Variants in KCNQ1 observed in about 807,000 individuals in gnomAD.
KCNQ1 encodes the protein potassium voltage-gated channel subfamily KQT member 1.
KCNQ1 carries 49 observed loss-of-function variants against 72.4 expected under a neutral mutation model. The observed-to-expected ratio is 0.68, with a 90% CI of 0.54 to 0.86. The LOEUF (loss-of-function observed/expected upper bound fraction) is 0.86, where lower values mean the gene tolerates loss of function less well. Ranked by LOEUF, KCNQ1 falls within the 40% of genes least tolerant of loss-of-function variation. The pLI is 0.00. For synonymous variants in KCNQ1, 450 were observed against 412.6 expected, an observed-to-expected ratio of 1.09 and a Z score of -1.10; for missense variants, 790 against 945.1, an observed-to-expected ratio of 0.84 and a Z score of 2.15.
Position 2,497,457 on chromosome 11 carries a change from T to C in KCNQ1, c.387-30471T>C, listed in dbSNP as rs179401. Among the ~76,000 whole-genome samples the C allele has an allele frequency of 0.81, 122,484 of 152,024 alleles. 49,463 individuals are homozygous for C. The highest frequency in any genetic ancestry group is 0.86 in the African/African-American group (35,844 of 41,446). On this transcript the variant is annotated intron_variant, in intron 1 of 15. Coordinates refer to ENST00000155840, the MANE Select transcript of KCNQ1 (RefSeq NM_000218.3). The surrounding 1 kb of genome is among the most constrained non-coding windows in gnomAD (Gnocchi z 4.5). Reference sequence around the variant, plus strand: ...TATCCTTTCTTCCACTTGATTCATTTGGCTATTGATACTTGTGTATGCATC... The same window carrying C: ...TATCCTTTCTTCCACTTGATTCATTCGGCTATTGATACTTGTGTATGCATC...
chr11:2,716,130 C>G (rs1184165998), intron 11 of KCNQ1, among the ~76,000 whole-genome samples: 1 of 152,216 alleles, frequency 6.6e-6, no homozygotes, highest in East Asian at 1.9e-4. Context: ...GTTTTGGTTG[C>G]CGGATCCTCA....
Position 2,776,029 on chromosome 11 carries a change from G to C in KCNQ1, c.1660G>C (p.Val554Leu). 6.4e-7 allele frequency: 1 copy of C among 1,570,524 alleles called. No individual in the cohort carries two copies. The highest frequency in any genetic ancestry group is 8.6e-7 in the Non-Finnish European group (1 of 1,158,110). ...QYSQGHLNLM[V>L]RIKELQRRLD... ...CTCGCAGGGCCACCTCAACCTCATGGTGCGCATCAAGGAGCTGCAGAGGAG... is the reference window on the plus strand; with the variant it reads ...CTCGCAGGGCCACCTCAACCTCATGCTGCGCATCAAGGAGCTGCAGAGGAG... Residue 554 changes from valine (V) to leucine (L), a missense_variant, in exon 13 of 16, where the codon GTG becomes CTG. Transcript: ENST00000155840.
rs1254901195 is a variant in KCNQ1 at position 2,559,645 on chromosome 11, C to T, written c.478-10983C>T. On this transcript the variant is annotated intron_variant, in intron 2 of 15. Coordinates refer to ENST00000155840, the MANE Select transcript of KCNQ1 (RefSeq NM_000218.3). This position sits in a 1 kb window ranked among gnomAD's most constrained non-coding sequence, Gnocchi z 4.9. ...TCTCTCGCTCACCAGGAAGAAGACA[C>T]GTCCGGGCAGCTGGCAGGTGGGGCT... is the stretch of plus-strand genomic sequence containing the variant. Among the ~76,000 whole-genome samples the T allele has an allele frequency of 3.3e-5, 5 of 152,198 alleles. No individual in the cohort carries two copies. The highest frequency in any genetic ancestry group is 1.3e-4 in the Admixed American group (2 of 15,286).
chr11:2,529,952 T>G (rs1479954232), intron 2 of KCNQ1, among the ~76,000 whole-genome samples: 1 of 152,158 alleles, frequency 6.6e-6, no homozygotes, highest in African/African-American at 2.4e-5. Context: ...CCTGCTTCTG[T>G]GAGGTGCTCC....
chr11:2,806,748 A>G (rs940231472), intron 15 of KCNQ1, among the ~76,000 whole-genome samples: 13 of 152,154 alleles, frequency 8.5e-5, no homozygotes, highest in Admixed American at 8.5e-4. Context: ...GTTCGGGCTC[A>G]GGTTTCCCTT....
At chr11:2,655,540 C>T (rs1849830779) in intron 10 of KCNQ1, 1 of 398,736 alleles carries the variant, frequency 2.5e-6, no homozygotes, top group Non-Finnish European at 4.4e-6. Flanking sequence ...ACCTTCTCTG[C>T]AGCTGTGAGT....
At position 2,617,547 on chromosome 11, in the gene KCNQ1, G is replaced by C. The variant is rs1478517144; in HGVS notation, c.1393+28693G>C. ...ATAGGAGCGCAGATATCTTTATGAG[G>C]TGGAGATTTCATTTTCTTTGGGAAT... On this transcript the variant is annotated intron_variant, in intron 10 of 15. Coordinates refer to ENST00000155840, the MANE Select transcript of KCNQ1 (RefSeq NM_000218.3). This position sits in a 1 kb window ranked among gnomAD's most constrained non-coding sequence, Gnocchi z 4.6. The C allele has an allele frequency of 2.5e-6, 1 of 398,322 alleles. No homozygotes were observed. The highest frequency in any genetic ancestry group is 2.1e-5 in the African/African-American group (1 of 48,620). The allele number at this position is 398,322 out of a possible 1,614,324, so 24.7% of individuals were successfully genotyped here.
intron 11 of KCNQ1, among the ~76,000 whole-genome samples, chr11:2,701,437 G>A (rs2283194): frequency 0.11 from 16,695 of 152,124 alleles, 1,047 homozygotes; most frequent in South Asian, 0.14. Flanking sequence ...AGAGGGCGCA[G>A]TCCACCCTCA....
intron 2 of KCNQ1, among the ~76,000 whole-genome samples, chr11:2,554,361 T>A (rs1408304535): frequency 6.6e-6 from 1 of 152,234 alleles, no homozygotes; most frequent in East Asian, 1.9e-4. Flanking sequence ...TGATGAGGTT[T>A]TGATTGTTCA....
chr11:2,503,856 A>G (rs1347648249), intron 1 of KCNQ1, among the ~76,000 whole-genome samples: 2 of 152,224 alleles, frequency 1.3e-5, no homozygotes, highest in African/African-American at 4.8e-5. Context: ...GATGTGGAGA[A>G]AAGGGAATCC....
intron 2 of KCNQ1, among the ~76,000 whole-genome samples, chr11:2,568,261 A>G (rs1848274618): frequency 6.8e-6 from 1 of 146,896 alleles, no homozygotes; most frequent in Non-Finnish European, 1.5e-5. Flanking sequence ...TGACAGAGCG[A>G]GACTCTGTCT....
chr11:2,472,032 G>A (rs111170788), intron 1 of KCNQ1, among the ~76,000 whole-genome samples: 6,998 of 150,966 alleles, frequency 0.046, 187 homozygotes, highest in Non-Finnish European at 0.063. Flanking sequence ...GTATGGTTGT[G>A]TGTGTATAGG....
At chr11:2,740,590 C>A (rs773290059) in intron 11 of KCNQ1, among the ~76,000 whole-genome samples, 2 of 152,178 alleles carry the variant, frequency 1.3e-5, no homozygotes, top group Non-Finnish European at 2.9e-5. Flanking sequence ...CTGGAGGGGC[C>A]TGGGTTAGTT....
chr11:2,640,470 G>A (rs571818938), intron 10 of KCNQ1: 1 of 398,332 alleles, frequency 2.5e-6, no homozygotes, highest in Non-Finnish European at 4.4e-6. Flanking sequence ...ATTTTTTGTA[G>A]AGACAGGGTC....
chr11:2,713,897 G>A lies in KCNQ1; in HGVS notation c.1514+51816G>A, dbSNP rs992275534. Among the ~76,000 whole-genome samples, 8 of 152,248 alleles carry A rather than the reference G, an allele frequency of 5.3e-5. No individual in the cohort carries two copies. The highest frequency in any genetic ancestry group is 3.3e-4 in the Admixed American group (5 of 15,292). On this transcript the variant is annotated intron_variant, in intron 11 of 15. Coordinates refer to ENST00000155840, the MANE Select transcript of KCNQ1 (RefSeq NM_000218.3). The surrounding 1 kb of genome is among the most constrained non-coding windows in gnomAD (Gnocchi z 5.6). ...GCTCGGAGCCTGGCCCTGCAGACAC[G>A]ATGGCCCAGCACGCCGCTCACTGCC...
At chr11:2,465,331 T>C (rs2133588208) in intron 1 of KCNQ1, among the ~76,000 whole-genome samples, 1 of 152,282 alleles carries the variant, frequency 6.6e-6, no homozygotes, top group East Asian at 1.9e-4. Flanking sequence ...CCTGAGGCCC[T>C]GGCTGCAGCT....
chr11:2,650,677 TCTC>T (rs1268476771), intron 10 of KCNQ1: 2 of 398,538 alleles, frequency 5.0e-6, no homozygotes, highest in Non-Finnish European at 8.8e-6. Context: ...TTAAGCCTCT[TCTC>T]TGATTCTGTA....
chr11:2,756,278 A>G (rs1365233426), intron 11 of KCNQ1, among the ~76,000 whole-genome samples: 2 of 152,198 alleles, frequency 1.3e-5, no homozygotes, highest in East Asian at 3.8e-4. Context: ...CTTGCCTCCC[A>G]GCAGGAGGGA....
intron 1 of KCNQ1, chr11:2,461,773 G>C: frequency 7.5e-7 from 1 of 1,325,642 alleles, no homozygotes; most frequent in Admixed American, 2.1e-5. Context: ...TGGATGGGGG[G>C]CTGAATTGTG....
Sources: gnomAD v4.1 joint callset for allele counts (sites outside exome capture counted in the v4.1 genomes callset) on GRCh38, gnomAD v4.1.1 for gene constraint, Gnocchi (gnomAD v3.1) non-coding constraint, MANE v1.5 for transcripts, NCBI Gene and HGNC (gene_info 2026-07-23, HGNC 2026-07-21) for gene names.